ZNF738: variants seen among roughly 807,000 people sequenced by gnomAD.
ZNF738 encodes zinc finger protein 738, also known as protein ZNF738.
In ZNF738, 10 loss-of-function variants were observed where a neutral mutation model predicts 9.2. The observed-to-expected ratio is 1.09, with a 90% confidence interval of 0.67 to 1.85. The LOEUF is 1.85. ZNF738 is among the 40% of genes most tolerant of loss of function. ZNF738 has a pLI of 0.00. For missense variants in ZNF738, 346 were observed against 283.6 expected, an observed-to-expected ratio of 1.22 and a Z score of -1.58; for synonymous variants, 113 against 94.5, an observed-to-expected ratio of 1.20 and a Z score of -1.14.
chr19:21,381,104 A>G (rs1267048147), intron 4 of ZNF738: 2 of 693,378 alleles, frequency 2.9e-6, no homozygotes, highest in Non-Finnish European at 5.0e-6. Context: ...GCATCACTTT[A>G]TTTTCCTTAC....
At chr19:21,373,394 G>GAC (rs1973881365) in intron 2 of ZNF738, among the ~76,000 whole-genome samples, 1 of 152,170 alleles carries the variant, frequency 6.6e-6, no homozygotes, top group Non-Finnish European at 1.5e-5. Flanking sequence ...TGAGAGTTAA[G>GAC]TTCCACCTTT....
intron 2 of ZNF738, among the ~76,000 whole-genome samples, chr19:21,364,642 TGAAAG>T (rs1973750226): frequency 6.6e-6 from 1 of 151,896 alleles, no homozygotes; most frequent in African/African-American, 2.4e-5. Flanking sequence ...TTGAATAAAA[TGAAAG>T]GAAGTTTATT....
At chr19:21,382,016 T>G (rs1196905133) in intron 4 of ZNF738, 1 of 180,554 alleles carries the variant, frequency 5.5e-6, no homozygotes, top group Non-Finnish European at 1.3e-5. Context: ...TTGTGTTTTT[T>G]AAAATACATA....
At chr19:21,369,603 C>G (rs1399613570) in intron 2 of ZNF738, among the ~76,000 whole-genome samples, 1 of 152,166 alleles carries the variant, frequency 6.6e-6, no homozygotes, top group Non-Finnish European at 1.5e-5. Flanking sequence ...ATAGTGCTAG[C>G]TAGTTATTCC....
At chr19:21,368,065 T>G (rs759241390) in intron 2 of ZNF738, among the ~76,000 whole-genome samples, 2 of 152,258 alleles carry the variant, frequency 1.3e-5, no homozygotes, top group African/African-American at 2.4e-5. Context: ...TCTTTCCAGT[T>G]ATATTGCACT....
At position 21,375,949 on chromosome 19, in the gene ZNF738, G is replaced by A. The variant is rs775216082; in HGVS notation, c.304G>A (p.Val102Ile). 2.6e-6 allele frequency: 2 copies of A among 777,308 alleles called. No individual in the cohort carries two copies. Among genetic ancestry groups the A allele is most frequent in the East Asian group, 4.9e-5 (2 of 40,834 alleles). The allele number at this position is 777,308 out of a possible 1,614,324, so 48.2% of individuals were successfully genotyped here. A position where few individuals can be genotyped will look rare whatever the true frequency, so the allele number is the denominator to read the frequency against. The change falls in exon 4 of 5, where the codon GTA (valine) becomes ATA (isoleucine). Residue 102 changes from valine (V) to isoleucine (I), a missense_variant. Physicochemically the swap from Val to Ile is conservative, Grantham distance 29. Coordinates refer to ENST00000683779, the MANE Select transcript of ZNF738 (RefSeq NM_001355237.2). ...CTGGAATATGAAGAGACACAGTATG[G>A]TAGCCACACCCCCAGGTAGGTGAGA... ...DPWNMKRHSM[V>I]ATPPVTYSHF...
Position 21,388,384 on chromosome 19 carries a change from A to G in ZNF738, c.*4710A>G, listed in dbSNP as rs1198770704. Among the ~76,000 whole-genome samples, 1 of 152,176 alleles carries G rather than the reference A, an allele frequency of 6.6e-6. No individual in the cohort carries two copies. Among genetic ancestry groups the G allele is most frequent in the Admixed American group, 6.5e-5 (1 of 15,276 alleles). On this transcript the variant is annotated 3_prime_UTR_variant, in exon 5 of 5. Coordinates refer to ENST00000683779, the MANE Select transcript of ZNF738 (RefSeq NM_001355237.2). ...TTATGATCTTTTCTATGGACAAGTA[A>G]GGACATTAGAATGTAAGATGCATGA...
chr19:21,364,357 A>G (rs1973746789), intron 2 of ZNF738, among the ~76,000 whole-genome samples: 1 of 152,098 alleles, frequency 6.6e-6, no homozygotes, highest in African/African-American at 2.4e-5. Context: ...GGGGTTAAAA[A>G]ATCAGATTTC....
chr19:21,377,617 C>G, intron 4 of ZNF738: 9 of 470,350 alleles, frequency 1.9e-5, no homozygotes, highest in Non-Finnish European at 3.4e-5. Context: ...ACTTAAAGTA[C>G]TTTATGTAAG....
rs1973861304 is a variant in ZNF738 at position 21,371,869 on chromosome 19, T to TTAGTA, written c.97-3366_97-3362dup. ...TTAAAAGATCCATTTAAATTGCTTA[T>TTAGTA]TAGTATATGTTATAAAATTGACAGC... is the stretch of plus-strand genomic sequence containing the variant. On this transcript the variant is annotated intron_variant, in intron 2 of 4. Coordinates refer to ENST00000683779, the MANE Select transcript of ZNF738 (RefSeq NM_001355237.2). The TTAGTA allele has an allele frequency of 2.0e-5, 3 of 152,370 alleles. No individual in the cohort carries two copies. In the South Asian group the frequency reaches 6.2e-4, roughly 32 times the overall value. The allele number at this position is 152,370 out of a possible 1,614,324, so 9.4% of individuals were successfully genotyped here.
chr19:21,375,457 A>G (rs1269884522), intron 3 of ZNF738, 93 bp downstream of exon 3: 6 of 580,330 alleles, frequency 1.0e-5, no homozygotes, highest in Non-Finnish European at 1.9e-5. Flanking sequence ...TATGCTTTGC[A>G]TAAATGCGTT....
At position 21,383,827 on chromosome 19, in the gene ZNF738, A is replaced by T; in HGVS notation, c.*153A>T. The T allele has an allele frequency of 7.7e-7, 1 of 1,300,144 alleles. No individual in the cohort carries two copies. Among genetic ancestry groups the T allele is most frequent in the Non-Finnish European group, 1.1e-6 (1 of 901,654 alleles). 80.5% of individuals were successfully genotyped at this position (1,300,144 alleles called of 1,614,324 possible). On this transcript the variant is annotated 3_prime_UTR_variant, in exon 5 of 5. Transcript: ENST00000683779. ...AAAATTCATTCTGGAGAGAAACCCT[A>T]CAAATGTGGAGAATGTGGCAAAGCT...
intron 2 of ZNF738, among the ~76,000 whole-genome samples, chr19:21,369,023 C>T (rs189991969): frequency 1.3e-5 from 2 of 152,252 alleles, no homozygotes; most frequent in South Asian, 4.1e-4. Context: ...TAGGCATGAG[C>T]CACAGTGCCT....
chr19:21,381,967 C>A (rs1185061521), intron 4 of ZNF738: 1 of 212,788 alleles, frequency 4.7e-6, no homozygotes, highest in Non-Finnish European at 1.0e-5. Context: ...AGCTCGGCTG[C>A]CTCAGCCTGT....
chr19:21,383,282 A>T lies in ZNF738; in HGVS notation c.736A>T (p.Thr246Ser). Residue 246 changes from threonine to serine, a missense_variant, in exon 5 of 5, where the codon ACC becomes TCC. Transcript: ENST00000683779. ...TGGCAAAGCCTTTAAATGGTTCTCA[A>T]CCCTTACTAGACACAAGAGAATTCA... is the stretch of plus-strand genomic sequence containing the variant. ...ECGKAFKWFSTLTRHKRIHTG... is the reference protein window; with the variant it reads ...ECGKAFKWFSSLTRHKRIHTG... The T allele has an allele frequency of 6.4e-7, 1 of 1,565,268 alleles. No homozygotes were observed. The highest frequency in any genetic ancestry group is 1.4e-5 in the African/African-American group (1 of 73,624).
At chr19:21,365,634 A>G (rs1472476780) in intron 2 of ZNF738, among the ~76,000 whole-genome samples, 2 of 152,062 alleles carry the variant, frequency 1.3e-5, no homozygotes, top group African/African-American at 2.4e-5. Context: ...AAAAGGGGTT[A>G]TCTCAAAGAT....
chr19:21,379,512 G>A (rs930299152), intron 4 of ZNF738, among the ~76,000 whole-genome samples: 3 of 152,066 alleles, frequency 2.0e-5, no homozygotes, highest in African/African-American at 7.2e-5. Flanking sequence ...TTTTCTTTCT[G>A]TGGTCCTGCA....
At chr19:21,381,941 C>T (rs543891656) in intron 4 of ZNF738, 44 of 229,308 alleles carry the variant, frequency 1.9e-4, no homozygotes, top group Non-Finnish European at 3.2e-4. Flanking sequence ...CCCAATGCCC[C>T]AGTGCCTCAG....
At chr19:21,376,657 A>G (rs905241631) in intron 4 of ZNF738, among the ~76,000 whole-genome samples, 1 of 152,040 alleles carries the variant, frequency 6.6e-6, no homozygotes, top group African/African-American at 2.4e-5. Context: ...CGATTCTCCT[A>G]TGTCAGCCTC....
Sources: allele counts gnomAD v4.1 joint callset (sites outside exome capture counted in the v4.1 genomes callset), GRCh38; gene constraint gnomAD v4.1.1; transcripts MANE v1.5; gene names NCBI Gene and HGNC (gene_info 2026-07-23, HGNC 2026-07-21).